Variants in TNRC6A observed in about 807,000 individuals in gnomAD.
TNRC6A encodes the protein trinucleotide repeat containing adaptor 6A, also known as trinucleotide repeat-containing gene 6A protein.
In TNRC6A, 44 loss-of-function variants were observed where a neutral mutation model predicts 221.2. That is an observed-to-expected ratio of 0.20 (90% CI 0.16 to 0.26). The LOEUF is 0.26. TNRC6A is among the 10% of genes least tolerant of loss of function. TNRC6A has a pLI of 1.00. For missense variants in TNRC6A, 2,199 were observed against 2,404.4 expected (o/e 0.91, Z 1.79); for synonymous variants, 847 against 838.5 (o/e 1.01, Z -0.18).
At chr16:24,788,917 G>C (rs1379657345) in intron 5 of TNRC6A, among the ~76,000 whole-genome samples, 1 of 152,148 alleles carries the variant, frequency 6.6e-6, no homozygotes, top group East Asian at 1.9e-4. Context: ...CAGAGTGCTG[G>C]GATTACAAGC....
chr16:24,671,661 C>A (rs986754805), intron 2 of TNRC6A, among the ~76,000 whole-genome samples: 3 of 152,126 alleles, frequency 2.0e-5, no homozygotes, highest in Admixed American at 1.3e-4. Context: ...AACAATCACA[C>A]GAATCCAAAA....
intron 2 of TNRC6A, among the ~76,000 whole-genome samples, chr16:24,678,531 T>C (rs958110215): frequency 6.6e-6 from 1 of 152,108 alleles, no homozygotes; most frequent in African/African-American, 2.4e-5. Flanking sequence ...TGATGACCAG[T>C]GCATGAGCTT....
rs779925867 is a variant in TNRC6A, at chr16:24,823,406, G to A, written c.5514-26G>A. On this transcript the variant is annotated intron_variant, in intron 24 of 24. Transcript: ENST00000395799. The surrounding 1 kb of genome is among the most constrained non-coding windows in gnomAD (Gnocchi z 4.3). ...AGCCCTCCTGGTGTGCTGTCCTCAC[G>A]TGTCCGCGGTGCCTCTCTCCTCTAG... 4.5e-5 allele frequency: 72 copies of A among 1,584,828 alleles called. No individual in the cohort carries two copies. The Middle Eastern group carries it at 6.9e-4, about 15-fold the overall frequency.
At chr16:24,665,035 A>C (rs1567337288) in intron 2 of TNRC6A, 5 of 452,298 alleles carry the variant, frequency 1.1e-5, no homozygotes, top group South Asian at 7.8e-5. Flanking sequence ...TCTGATGAGG[A>C]GGAAGGACAA....
chr16:24,797,468 TC>T (rs753043174), intron 9 of TNRC6A, 21 bp from the exon 10 acceptor site: 149 of 1,591,764 alleles, frequency 9.4e-5, no homozygotes, highest in Non-Finnish European at 1.2e-4. Flanking sequence ...TGGCATCTTT[TC>T]TACTCTTTTA....
chr16:24,779,603 A>C (rs1026394683), intron 5 of TNRC6A, among the ~76,000 whole-genome samples: 3 of 152,182 alleles, frequency 2.0e-5, no homozygotes, highest in African/African-American at 7.2e-5. Context: ...TACTGTGCCC[A>C]CACACTACTA....
upstream of TNRC6A, among the ~76,000 whole-genome samples, chr16:24,725,035 G>T (rs1596551091): frequency 1.3e-5 from 2 of 151,996 alleles, no homozygotes; most frequent in African/African-American, 4.8e-5. Context: ...AAAGCCACAG[G>T]AACAAAGACA....
chr16:24,625,891 TAG>T (rs1013923129), intron 1 of TNRC6A, among the ~76,000 whole-genome samples: 30 of 152,248 alleles, frequency 2.0e-4, no homozygotes, highest in African/African-American at 7.0e-4. Flanking sequence ...TAGCCTGAGC[TAG>T]AGTGTTAAGT....
chr16:24,690,427 C>T (rs2055732263), intron 2 of TNRC6A, among the ~76,000 whole-genome samples: 1 of 152,100 alleles, frequency 6.6e-6, no homozygotes, highest in Admixed American at 6.6e-5. Flanking sequence ...CAACAAAAAG[C>T]TTCAAGGGAT....
At position 24,791,047 on chromosome 16, in the gene TNRC6A, G is replaced by C. The variant is rs542620759; in HGVS notation, c.2405G>C (p.Gly802Ala). Residue 802 changes from glycine to alanine, a missense_variant, in exon 6 of 25, where the codon GGG (glycine) becomes GCG (alanine). Physicochemically the swap from Gly to Ala is moderately conservative, Grantham distance 60 (BLOSUM62 0). Transcript: ENST00000395799. ...GATTCCAAAGGCTCAAACTGCCAGG[G>C]GGGGTGGGAAGATGATTCTGCTGCT... is the stretch of plus-strand genomic sequence containing the variant. ...WGDSKGSNCQ[G>A]GWEDDSAATG... 1.6e-5 allele frequency: 25 copies of C among 1,596,162 alleles called. No individual in the cohort carries two copies. Among genetic ancestry groups the C allele is most frequent in the Non-Finnish European group, 1.9e-5 (22 of 1,170,610 alleles).
chr16:24,676,367 G>A (rs1320760214), intron 2 of TNRC6A, among the ~76,000 whole-genome samples: 1 of 152,016 alleles, frequency 6.6e-6, no homozygotes, highest in Non-Finnish European at 1.5e-5. Context: ...CATGCTCTTG[G>A]CTCACTGCAA....
At position 24,777,059 on chromosome 16, in the gene TNRC6A, A is replaced by G. The variant is rs542999996; in HGVS notation, c.290A>G (p.Gln97Arg). Reference sequence around the variant, plus strand: ...ACAGCCAACAATCAGCAGCCACAGCAGCAGCAGCAACAGCAGCAGCCGCAG... The same window carrying G: ...ACAGCCAACAATCAGCAGCCACAGCGGCAGCAGCAACAGCAGCAGCCGCAG... Reference protein sequence around the residue: ...RATANNQQPQQQQQQQQPQQQ... With the variant: ...RATANNQQPQRQQQQQQPQQQ... Residue 97 changes from glutamine to arginine, a missense_variant, in exon 5 of 25, where the codon CAG (glutamine) becomes CGG (arginine). This residue lies in a region of TNRC6A where 1,405 missense variants were observed against 1,400.2 expected (regional missense o/e 1.00). Coordinates refer to ENST00000395799, the MANE Select transcript of TNRC6A (RefSeq NM_014494.4). 2 of 1,608,038 alleles carry G rather than the reference A, an allele frequency of 1.2e-6. No individual in the cohort carries two copies. The highest frequency in any genetic ancestry group is 2.2e-5 in the East Asian group (1 of 44,790).
rs955939000 is a variant in TNRC6A, at chr16:24,776,997, C to T, written c.228C>T (p.Ser76=). Residue 76 remains serine, a synonymous_variant, in exon 5 of 25, where the codon TCC becomes TCT. Coordinates refer to ENST00000395799, the MANE Select transcript of TNRC6A (RefSeq NM_014494.4). The part of the protein sequence containing the change: ...PQPANSNNGT[S]TATSTNNNAK... ...CTGCCAACTCTAATAACGGCACTTC[C>T]ACAGCAACCAGCACTAATAATAATG... 6.2e-7 allele frequency: 1 copy of T among 1,614,044 alleles called. No individual in the cohort carries two copies. The highest frequency in any genetic ancestry group is 1.1e-5 in the South Asian group (1 of 91,084).
At chr16:24,764,319 T>C (rs1413513893) in intron 4 of TNRC6A, among the ~76,000 whole-genome samples, 2 of 151,668 alleles carry the variant, frequency 1.3e-5, no homozygotes, top group Non-Finnish European at 2.9e-5. Context: ...CACAATTTCT[T>C]CTTTTCTTTT....
In TNRC6A at chr16:24,636,285, T is replaced by C. The variant is rs1353272309; in HGVS notation, n.277-4599T>C. Reference sequence around the variant, plus strand: ...ATATTTTCATTCATTCATTCAAGAATTACCTAAGTGCCTATGATAAGCCAG... The same window carrying C: ...ATATTTTCATTCATTCATTCAAGAACTACCTAAGTGCCTATGATAAGCCAG... On this transcript the variant is annotated intron_variant and non_coding_transcript_variant, in intron 1 of 2. Transcript: ENST00000566108. Among the ~76,000 whole-genome samples, 9 of 152,314 alleles carry C rather than the reference T, an allele frequency of 5.9e-5. No individual in the cohort carries two copies. The East Asian group carries it at 1.7e-3, about 29-fold the overall frequency.
chr16:24,651,782 A>G (rs1185102073), intron 2 of TNRC6A, among the ~76,000 whole-genome samples: 1 of 151,546 alleles, frequency 6.6e-6, no homozygotes, highest in Non-Finnish European at 1.5e-5. Flanking sequence ...GCTAAGACAT[A>G]TTACTAGGTG....
At chr16:24,645,220 T>A (rs12927999) in intron 2 of TNRC6A, among the ~76,000 whole-genome samples, 1 of 152,240 alleles carries the variant, frequency 6.6e-6, no homozygotes, top group South Asian at 2.1e-4. Context: ...ACTACTTCTG[T>A]CCAGGCTGGG....
intron 4 of TNRC6A, among the ~76,000 whole-genome samples, chr16:24,762,832 A>G (rs909521005): frequency 1.3e-5 from 2 of 152,238 alleles, no homozygotes; most frequent in Non-Finnish European, 2.9e-5. Flanking sequence ...CAGCCCCTGC[A>G]GTTACATGGA....
At chr16:24,691,196 G>T (rs1315986972) in intron 2 of TNRC6A, among the ~76,000 whole-genome samples, 1 of 151,970 alleles carries the variant, frequency 6.6e-6, no homozygotes, top group African/African-American at 2.4e-5. Context: ...CTCAAGCCCT[G>T]ACTAGTCTTT....
Sources: allele counts gnomAD v4.1 joint callset (sites outside exome capture counted in the v4.1 genomes callset), GRCh38; gene constraint gnomAD v4.1.1; regional missense constraint gnomAD v4.1.1; non-coding constraint Gnocchi (gnomAD v3.1); transcripts MANE v1.5; gene names NCBI Gene and HGNC (gene_info 2026-07-23, HGNC 2026-07-21).